TRIM2: variants seen among roughly 807,000 people sequenced by gnomAD.
TRIM2 encodes tripartite motif-containing protein 2.
In TRIM2, 20 loss-of-function variants were observed where a neutral mutation model predicts 75.2. The observed-to-expected ratio is 0.27, with a 90% CI of 0.19 to 0.39. TRIM2 has a LOEUF of 0.39. Ranked by LOEUF, TRIM2 falls within the 10% of genes least tolerant of loss-of-function variation. The pLI is 1.00. For synonymous variants in TRIM2, 373 were observed against 388.3 expected, an observed-to-expected ratio of 0.96 and a Z score of 0.46; for missense variants, 660 against 990.8, an observed-to-expected ratio of 0.67 and a Z score of 4.48.
chr4:153,256,996 CTCTT>C (rs1237796397), intron 1 of TRIM2, among the ~76,000 whole-genome samples: 30 of 152,328 alleles, frequency 2.0e-4, no homozygotes, highest in African/African-American at 5.8e-4. Context: ...TCAGTCGTCT[CTCTT>C]TCTAACGAGC....
At position 153,244,395 on chromosome 4, in the gene TRIM2, T is replaced by C. The variant is rs1253034062; in HGVS notation, c.31-25940T>C. Among the ~76,000 whole-genome samples the C allele has an allele frequency of 3.8e-4, 32 of 83,254 alleles. 5 individuals carry two copies. The highest frequency in any genetic ancestry group is 2.3e-3 in the African/African-American group (29 of 12,594). The allele number at this position is 83,254 out of a possible 152,430, so 54.6% of individuals were successfully genotyped here. A position where few individuals can be genotyped will look rare whatever the true frequency, so the allele number is the denominator to read the frequency against. On this transcript the variant is annotated intron_variant, in intron 1 of 11. Coordinates refer to ENST00000338700, the MANE Select transcript of TRIM2 (RefSeq NM_015271.5). ...TTCTTCTTCTTCTTCTTCTTCTTCT[T>C]CTTCTTCTTCTTCTTCTTCTTCTTC... is the stretch of plus-strand genomic sequence containing the variant.
chr4:153,266,224 C>T (rs1306775239), intron 1 of TRIM2, among the ~76,000 whole-genome samples: 1 of 152,098 alleles, frequency 6.6e-6, no homozygotes, highest in Non-Finnish European at 1.5e-5. Flanking sequence ...GGCTGGAGTG[C>T]AGGGGCATGC....
In TRIM2 at chr4:153,172,244, G is replaced by A. The variant is rs1730954649; in HGVS notation, c.-49+18974G>A. On this transcript the variant is annotated intron_variant, in intron 1 of 11. Transcript: ENST00000437508. The stretch of plus-strand genomic sequence containing the variant: ...GCTCTTTCACCCAGGCCGGAGTGCA[G>A]TGGTGCTATCTTGGCTCACTGCAAG... Among the ~76,000 whole-genome samples the A allele has an allele frequency of 3.3e-5, 5 of 151,948 alleles. No homozygotes were observed. In the South Asian group the frequency reaches 6.2e-4, roughly 19 times the overall value.
rs528684289 is a variant in TRIM2, at chr4:153,323,293, A to G, written c.1951+477A>G. Among the ~76,000 whole-genome samples the G allele has an allele frequency of 2.0e-5, 3 of 152,318 alleles. No homozygotes were observed. The South Asian group carries it at 6.2e-4, about 32-fold the overall frequency. On this transcript the variant is annotated intron_variant, in intron 9 of 11. Transcript: ENST00000338700. ...CGTCTCTTTGGTGTAGCACTTTGCA[A>G]TCACAAGCTTATTTAGGTTTTTGCA...
intron 1 of TRIM2, among the ~76,000 whole-genome samples, chr4:153,188,757 A>G (rs997676811): frequency 6.6e-6 from 1 of 152,142 alleles, no homozygotes; most frequent in African/African-American, 2.4e-5. Flanking sequence ...AACAAAAAAA[A>G]AAAAAGGAAG....
intron 1 of TRIM2, among the ~76,000 whole-genome samples, chr4:153,245,985 C>A (rs888806993): frequency 7.5e-4 from 114 of 152,222 alleles, no homozygotes; most frequent in Non-Finnish European, 1.0e-3. Flanking sequence ...AGCCCCTTTA[C>A]CTACTGTTAA....
intron 11 of TRIM2, among the ~76,000 whole-genome samples, chr4:153,334,433 G>A (rs748351389): frequency 7.9e-6 from 1 of 127,112 alleles, no homozygotes; most frequent in Non-Finnish European, 1.6e-5. Context: ...TCGCTATTTT[G>A]CTCAGGCTGT....
At chr4:153,154,575 A>C (rs1324110444) in intron 1 of TRIM2, among the ~76,000 whole-genome samples, 1 of 152,222 alleles carries the variant, frequency 6.6e-6, no homozygotes, top group Non-Finnish European at 1.5e-5. Context: ...CTTTTCTTTT[A>C]ACCTGACATT....
At chr4:153,287,431 T>C (rs940606412) in intron 3 of TRIM2, among the ~76,000 whole-genome samples, 1 of 152,246 alleles carries the variant, frequency 6.6e-6, no homozygotes, top group African/African-American at 2.4e-5. Flanking sequence ...ACTTAATTAC[T>C]GAAAAGAAAG....
rs555085763 is a variant in TRIM2, at chr4:153,174,069, C to G, written c.-49+20799C>G. Among the ~76,000 whole-genome samples, 38 of 151,794 alleles carry G rather than the reference C, an allele frequency of 2.5e-4. 1 individual carries two copies. The highest frequency in any genetic ancestry group is 1.2e-3 in the Admixed American group (19 of 15,290). On this transcript the variant is annotated intron_variant, in intron 1 of 11. Coordinates refer to the TRIM2 transcript ENST00000437508. ...GACAGTAGCAGAAGCCCCAGGCCCCCGGGTGGGAATAGCCCTCGTGGGTGC... is the reference window on the plus strand; with the variant it reads ...GACAGTAGCAGAAGCCCCAGGCCCCGGGGTGGGAATAGCCCTCGTGGGTGC...
At chr4:153,184,092 A>G (rs1055911636) in intron 1 of TRIM2, among the ~76,000 whole-genome samples, 1 of 152,178 alleles carries the variant, frequency 6.6e-6, no homozygotes, top group Non-Finnish European at 1.5e-5. Flanking sequence ...GGGTGAACCA[A>G]GGGTCTTTAC....
chr4:153,156,389 G>A (rs1034778787), intron 1 of TRIM2, among the ~76,000 whole-genome samples: 11 of 152,118 alleles, frequency 7.2e-5, no homozygotes, highest in African/African-American at 2.4e-4. Context: ...ATCTTACCCT[G>A]GCTGTAAATT....
intron 1 of TRIM2, chr4:153,257,633 G>C (rs772535576): frequency 7.9e-7 from 1 of 1,266,550 alleles, no homozygotes; most frequent in African/African-American, 1.5e-5. Flanking sequence ...CAGTCTCTTT[G>C]CATGGTGCTT....
chr4:153,279,466 AT>A lies in TRIM2; in HGVS notation c.453+3337del, dbSNP rs536823526. Among the ~76,000 whole-genome samples the A allele has an allele frequency of 2.3e-3, 246 of 107,712 alleles. 2 individuals are homozygous for A. Among genetic ancestry groups the A allele is most frequent in the African/African-American group, 0.011 (227 of 19,864 alleles). The allele number at this position is 107,712 out of a possible 152,430, so 70.7% of individuals were successfully genotyped here. A position where few individuals can be genotyped will look rare whatever the true frequency, so the allele number is the denominator to read the frequency against. On this transcript the variant is annotated intron_variant, in intron 3 of 11. Coordinates refer to ENST00000338700, the MANE Select transcript of TRIM2 (RefSeq NM_015271.5). ...TTAAAAGTTAATAATTATTTAATCA[AT>A]AGAAAATAATAGAAATAATAGAAAA... is the stretch of plus-strand genomic sequence containing the variant.
chr4:153,277,116 C>T (rs1758199807), intron 3 of TRIM2, among the ~76,000 whole-genome samples: 1 of 152,234 alleles, frequency 6.6e-6, no homozygotes, highest in East Asian at 1.9e-4. Flanking sequence ...TGTTTGTTTA[C>T]CTCATCTCCC....
rs944126139 is a variant in TRIM2 at position 153,180,587 on chromosome 4, C to T, written c.-49+27317C>T. ...CCACCTCCCGGGTTCAAGTGATTCT[C>T]CTGCCTCAGCCTCCCAAGTAGCTGG... On this transcript the variant is annotated intron_variant, in intron 1 of 11. Coordinates refer to the TRIM2 transcript ENST00000437508. 5.4e-4 allele frequency among the ~76,000 whole-genome samples: 82 copies of T among 152,240 alleles called. 4 individuals are homozygous for T.
At chr4:153,240,390 A>C (rs1746240815) in intron 1 of TRIM2, among the ~76,000 whole-genome samples, 1 of 152,180 alleles carries the variant, frequency 6.6e-6, no homozygotes, top group African/African-American at 2.4e-5. Context: ...TCCCAGTTGG[A>C]AGGAAGAGGT....
Position 153,326,142 on chromosome 4 carries a change from C to G in TRIM2, c.2022+1994C>G, listed in dbSNP as rs150874319. Among the ~76,000 whole-genome samples, 236 of 152,110 alleles carry G rather than the reference C, an allele frequency of 1.6e-3. 1 individual carries two copies. The highest frequency in any genetic ancestry group is 0.012 in the South Asian group (59 of 4,822). ...TGCTTTAAATATTTATTGTAAAAAG[C>G]AAAGCTGTAAAAACTATTTAAGCTG... On this transcript the variant is annotated intron_variant, in intron 10 of 11. Coordinates refer to ENST00000338700, the MANE Select transcript of TRIM2 (RefSeq NM_015271.5).
At chr4:153,294,115 T>C (rs563062588) in intron 4 of TRIM2, among the ~76,000 whole-genome samples, 190 bp from the exon 5 acceptor site, 18 of 143,958 alleles carry the variant, frequency 1.3e-4, no homozygotes, top group Non-Finnish European at 2.7e-4. Context: ...ATTTTGATTG[T>C]CTCTGAAGAG....
Sources: gnomAD v4.1 joint callset for allele counts (sites outside exome capture counted in the v4.1 genomes callset) on GRCh38, gnomAD v4.1.1 for gene constraint, MANE v1.5 for transcripts, NCBI Gene and HGNC (gene_info 2026-07-23, HGNC 2026-07-21) for gene names.